Variants in MED12L observed in about 807,000 individuals in gnomAD.
The protein encoded by MED12L is mediator of RNA polymerase II transcription subunit 12-like protein.
MED12L carries 60 observed loss-of-function variants against 281.3 expected under a neutral mutation model. The observed-to-expected ratio is 0.21, with a 90% CI of 0.17 to 0.26. MED12L has a LOEUF of 0.26. MED12L is among the 10% of genes least tolerant of loss of function. The probability of loss-of-function intolerance (pLI) is 1.00; values close to 1 mark genes in which losing one functional copy is unlikely to be tolerated. For missense variants in MED12L, 2,146 were observed against 2,680.9 expected (o/e 0.80, Z 4.41); for synonymous variants, 974 against 987.2 (o/e 0.99, Z 0.25).
At chr3:151,262,152 G>A (rs1577163681) in intron 16 of MED12L, among the ~76,000 whole-genome samples, 1 of 152,176 alleles carries the variant, frequency 6.6e-6, no homozygotes, top group Admixed American at 6.5e-5. Context: ...CTAGAAAAAT[G>A]TACAGACACA....
chr3:151,254,779 T>G (rs1737512445), intron 16 of MED12L, among the ~76,000 whole-genome samples: 1 of 152,254 alleles, frequency 6.6e-6, no homozygotes. Flanking sequence ...TTGTGTTACA[T>G]TTCACCGGAG....
intron 16 of MED12L, among the ~76,000 whole-genome samples, chr3:151,232,608 T>C (rs1480364143): frequency 1.3e-5 from 2 of 152,122 alleles, no homozygotes; most frequent in Admixed American, 1.3e-4. Flanking sequence ...TATGCAGCCA[T>C]AAAAAAAGAA....
intron 43 of MED12L, among the ~76,000 whole-genome samples, chr3:151,426,716 T>G (rs558823888): frequency 6.6e-6 from 1 of 152,244 alleles, no homozygotes; most frequent in Non-Finnish European, 1.5e-5. Context: ...AATATTGTTA[T>G]GTTTAGTACC....
chr3:151,256,267 C>G (rs1333225739), intron 16 of MED12L, among the ~76,000 whole-genome samples: 4 of 152,084 alleles, frequency 2.6e-5, no homozygotes, highest in Non-Finnish European at 4.4e-5. Flanking sequence ...TATGCAGTAC[C>G]CTGGTAAACT....
At chr3:151,418,031 C>T (rs771844404) in intron 43 of MED12L, among the ~76,000 whole-genome samples, 91 of 152,054 alleles carry the variant, frequency 6.0e-4, no homozygotes, top group Non-Finnish European at 1.0e-4. Context: ...CGTACAAGAA[C>T]GAGATACACC....
chr3:151,243,535 G>T (rs1734695288), intron 16 of MED12L, among the ~76,000 whole-genome samples: 2 of 152,140 alleles, frequency 1.3e-5, no homozygotes, highest in Non-Finnish European at 2.9e-5. Context: ...AAGCGAAGGA[G>T]AAATAAAATA....
chr3:151,311,301 A>ATT (rs1305582656), intron 16 of MED12L, among the ~76,000 whole-genome samples: 2 of 151,754 alleles, frequency 1.3e-5, no homozygotes, highest in African/African-American at 2.4e-5. Flanking sequence ...AGTTTTTAAA[A>ATT]TTATATATAT....
At chr3:151,170,478 G>A (rs1721294660) in intron 11 of MED12L, among the ~76,000 whole-genome samples, 1 of 151,872 alleles carries the variant, frequency 6.6e-6, no homozygotes, top group Non-Finnish European at 1.5e-5. Context: ...GTTTCACCAT[G>A]TTGGCCAGGC....
At chr3:151,129,487 T>C (rs1715043515) in intron 5 of MED12L, among the ~76,000 whole-genome samples, 1 of 152,152 alleles carries the variant, frequency 6.6e-6, no homozygotes, top group Admixed American at 6.5e-5. Context: ...TCTCTGAGTT[T>C]ATTCCCCCCA....
chr3:151,099,702 G>A (rs1336598346), intron 2 of MED12L, among the ~76,000 whole-genome samples: 5 of 151,368 alleles, frequency 3.3e-5, no homozygotes, highest in Non-Finnish European at 5.9e-5. Context: ...TGTTGGGTAG[G>A]TAGATCAATG....
chr3:151,323,681 T>C (rs1004618895), intron 16 of MED12L, among the ~76,000 whole-genome samples: 4 of 152,238 alleles, frequency 2.6e-5, no homozygotes, highest in African/African-American at 9.6e-5. Flanking sequence ...TTTGAACTTC[T>C]GTGGTGTGTC....
Position 151,160,006 on chromosome 3 carries a change from G to A in MED12L, c.1012G>A (p.Gly338Ser), listed in dbSNP as rs774785880. Residue 338 changes from glycine (G) to serine (S), a missense_variant, in exon 8 of 45, where the codon GGC (glycine) becomes AGC (serine). Around this residue, in one of 9 missense-constraint regions of MED12L, gnomAD observed 722 missense variants for 861.2 expected, o/e 0.84. Transcript: ENST00000687756. The part of the protein sequence containing the change: ...SIGAPSPGPP[G>S]PGMSPVQLAF... ...CGGGGCCCCCAGCCCTGGCCCCCCCGGCCCTGGCATGAGCCCCGTGCAGCT... is the reference window on the plus strand; with the variant it reads ...CGGGGCCCCCAGCCCTGGCCCCCCCAGCCCTGGCATGAGCCCCGTGCAGCT... 1.2e-5 allele frequency: 19 copies of A among 1,613,980 alleles called. No homozygotes were observed. Among genetic ancestry groups the A allele is most frequent in the East Asian group, 2.2e-5 (1 of 44,898 alleles).
In MED12L at chr3:151,269,493, A is replaced by C. The variant is rs6762976; in HGVS notation, c.2250+75827A>C. 1,963 of 292,148 alleles carry C rather than the reference A, an allele frequency of 6.7e-3. 43 individuals carry two copies. The highest frequency in any genetic ancestry group is 0.042 in the African/African-American group (1,865 of 44,192). The allele number at this position is 292,148 out of a possible 1,614,324, so 18.1% of individuals were successfully genotyped here. ...AGTGGGGAGATTGTGAAAGCAGAAC[A>C]GAAGTATAACAAATTCTGCCAACCA... is the stretch of plus-strand genomic sequence containing the variant. On this transcript the variant is annotated intron_variant, in intron 16 of 44. Coordinates refer to ENST00000687756, the MANE Select transcript of MED12L (RefSeq NM_001393769.1).
At chr3:151,282,482 G>A (rs1041500540) in intron 16 of MED12L, among the ~76,000 whole-genome samples, 52 of 152,174 alleles carry the variant, frequency 3.4e-4, no homozygotes, top group African/African-American at 1.1e-3. Context: ...AGATGTTGAC[G>A]TAAGAATGTA....
intron 16 of MED12L, among the ~76,000 whole-genome samples, chr3:151,329,810 T>C (rs962048618): frequency 6.6e-6 from 1 of 152,292 alleles, no homozygotes; most frequent in Middle Eastern, 3.4e-3. Context: ...GCCTCTTGTA[T>C]ATAGTGGAAA....
intron 16 of MED12L, among the ~76,000 whole-genome samples, chr3:151,290,625 T>G (rs1003090257): frequency 3.7e-5 from 3 of 81,548 alleles, no homozygotes; most frequent in Non-Finnish European, 6.8e-5. Context: ...TTCATGTTAT[T>G]ACAGCCTTGT....
intron 18 of MED12L, among the ~76,000 whole-genome samples, chr3:151,355,462 G>A (rs894070348): frequency 2.0e-5 from 3 of 151,922 alleles, no homozygotes; most frequent in Non-Finnish European, 2.9e-5. Context: ...GATAATAATC[G>A]GTGACATATA....
At chr3:151,390,337 TTTTA>T (rs1704690222) in intron 38 of MED12L, among the ~76,000 whole-genome samples, 1 of 152,236 alleles carries the variant, frequency 6.6e-6, no homozygotes, top group African/African-American at 2.4e-5. Flanking sequence ...ATTTTGGAAC[TTTTA>T]TTTAGTGTTA....
Position 151,185,439 on chromosome 3 carries a change from G to A in MED12L, c.1604G>A (p.Arg535Lys). 6.2e-7 allele frequency: 1 copy of A among 1,613,930 alleles called. No homozygotes were observed. Among genetic ancestry groups the A allele is most frequent in the Non-Finnish European group, 8.5e-7 (1 of 1,179,964 alleles). The part of the protein sequence containing the change: ...AMAVAKLLEK[R>K]QAEIEAERCG... ...GCTGTGGCAAAACTCCTGGAGAAGA[G>A]GCAAGCAGAAATTGAGGCAGAGGTA... The change falls in exon 12 of 45, where the codon AGG (arginine) becomes AAG (lysine). Residue 535 changes from arginine (R) to lysine (K), a missense_variant. Transcript: ENST00000687756.
Sources: allele counts gnomAD v4.1 joint callset (sites outside exome capture counted in the v4.1 genomes callset), GRCh38; gene constraint gnomAD v4.1.1; regional missense constraint gnomAD v4.1.1; transcripts MANE v1.5; gene names NCBI Gene and HGNC (gene_info 2026-07-23, HGNC 2026-07-21).